SLC26A7: variants seen among roughly 807,000 people sequenced by gnomAD.
SLC26A7 encodes the protein solute carrier family 26 member 7.
SLC26A7 carries 59 observed loss-of-function variants against 82.5 expected under a neutral mutation model. That is an observed-to-expected ratio of 0.72 (90% CI 0.58 to 0.89). SLC26A7 has a LOEUF of 0.89. SLC26A7 is among the 40% of genes least tolerant of loss of function. The pLI, the probability that SLC26A7 is intolerant of heterozygous loss-of-function variation, is 0.00. For synonymous variants in SLC26A7, 271 were observed against 274.3 expected, an observed-to-expected ratio of 0.99 and a Z score of 0.12; for missense variants, 820 against 793.0, an observed-to-expected ratio of 1.03 and a Z score of -0.41.
rs865885609 is a variant in SLC26A7, at chr8:91,217,574, C to G, written c.-149-1316C>G. ...ACTAATCACCATTGTCAGAGGGAAG[C>G]AATTGAGTCATTGCCTGGGCCGCAG... On this transcript the variant is annotated intron_variant, in intron 1 of 5. Coordinates refer to the SLC26A7 transcript ENST00000522862. Among the ~76,000 whole-genome samples, 7 of 152,150 alleles carry G rather than the reference C, an allele frequency of 4.6e-5. No homozygotes were observed. The South Asian group carries it at 1.5e-3, about 32-fold the overall frequency.
At chr8:91,332,158 T>TATAC (rs1554610037) in intron 5 of SLC26A7, among the ~76,000 whole-genome samples, 3 of 146,788 alleles carry the variant, frequency 2.0e-5, no homozygotes, top group African/African-American at 7.4e-5. Flanking sequence ...TATATATATA[T>TATAC]ACACACACAT....
chr8:91,217,440 C>A (rs1810071647), intron 1 of SLC26A7, among the ~76,000 whole-genome samples: 1 of 152,140 alleles, frequency 6.6e-6, no homozygotes, highest in Admixed American at 6.5e-5. Flanking sequence ...TAAATTGTGT[C>A]TTTTGGGAGT....
At chr8:91,391,628 A>G (rs893530430) in intron 16 of SLC26A7, among the ~76,000 whole-genome samples, 1 of 152,038 alleles carries the variant, frequency 6.6e-6, no homozygotes, top group Non-Finnish European at 1.5e-5. Context: ...TATTTACTCT[A>G]TGTTCCTAAA....
chr8:91,220,880 G>T (rs1810150183), intron 2 of SLC26A7, among the ~76,000 whole-genome samples: 1 of 152,164 alleles, frequency 6.6e-6, no homozygotes, highest in African/African-American at 2.4e-5. Context: ...TAATGGGATT[G>T]CTGGGTCAAA....
intron 15 of SLC26A7, among the ~76,000 whole-genome samples, chr8:91,379,359 C>T (rs1203068531): frequency 5.9e-5 from 9 of 151,956 alleles, no homozygotes; most frequent in Admixed American, 5.2e-4. Context: ...CAAGAATAGT[C>T]AAGACACTTG....
At chr8:91,306,183 GCTTT>G (rs1812301452) in intron 4 of SLC26A7, among the ~76,000 whole-genome samples, 1 of 152,082 alleles carries the variant, frequency 6.6e-6, no homozygotes, top group South Asian at 2.1e-4. Context: ...CTTTTTGAAT[GCTTT>G]CTAATGGTTT....
At chr8:91,319,081 T>C (rs1331054840) in intron 5 of SLC26A7, among the ~76,000 whole-genome samples, 1 of 152,232 alleles carries the variant, frequency 6.6e-6, no homozygotes, top group East Asian at 1.9e-4. Context: ...ATGAGAGTAT[T>C]GCCATTCTTA....
intron 5 of SLC26A7, among the ~76,000 whole-genome samples, chr8:91,331,495 A>G (rs1415669994): frequency 6.6e-6 from 1 of 152,164 alleles, no homozygotes; most frequent in Non-Finnish European, 1.5e-5. Context: ...GTCTTTTCAC[A>G]CGAGCTTAAT....
At chr8:91,350,547 G>T (rs548230740) in intron 9 of SLC26A7, among the ~76,000 whole-genome samples, 54 of 151,902 alleles carry the variant, frequency 3.6e-4, no homozygotes, top group African/African-American at 1.1e-3. Context: ...TCCACCTCCA[G>T]CCTCTAGCAT....
chr8:91,311,321 A>C (rs1284272960), intron 4 of SLC26A7, among the ~76,000 whole-genome samples: 1 of 152,192 alleles, frequency 6.6e-6, no homozygotes, highest in Non-Finnish European at 1.5e-5. Context: ...GAACTTATAA[A>C]GTCTATAGAG....
chr8:91,314,166 A>G (rs898002905), intron 4 of SLC26A7, among the ~76,000 whole-genome samples: 1 of 152,178 alleles, frequency 6.6e-6, no homozygotes, highest in Non-Finnish European at 1.5e-5. Context: ...TTGGCTAGCT[A>G]GATTAGAAAT....
intron 4 of SLC26A7, among the ~76,000 whole-genome samples, chr8:91,311,643 G>T (rs746302604): frequency 2.0e-5 from 3 of 152,056 alleles, no homozygotes; most frequent in Non-Finnish European, 2.9e-5. Context: ...AGTTTATTTT[G>T]CCAAGGTTAA....
At chr8:91,230,809 G>A (rs543582404) in intron 2 of SLC26A7, among the ~76,000 whole-genome samples, 5 of 152,278 alleles carry the variant, frequency 3.3e-5, no homozygotes, top group Admixed American at 2.0e-4. Context: ...AAAAGTGATG[G>A]CAACAACACG....
Position 91,280,258 on chromosome 8 carries a change from A to G in SLC26A7, c.194-8878A>G, listed in dbSNP as rs1811533392. Among the ~76,000 whole-genome samples, 3 of 152,170 alleles carry G rather than the reference A, an allele frequency of 2.0e-5. No individual in the cohort carries two copies. The South Asian group carries it at 6.2e-4, about 32-fold the overall frequency. ...TCACCTTTTATGTGGAAGGTAACTA[A>G]TTCTATGTGCAATTTTATCTTTCCT... is the stretch of plus-strand genomic sequence containing the variant. On this transcript the variant is annotated intron_variant, in intron 2 of 18. Transcript: ENST00000276609.
intron 15 of SLC26A7, among the ~76,000 whole-genome samples, chr8:91,380,298 C>T (rs1814633454): frequency 6.6e-6 from 1 of 151,974 alleles, no homozygotes; most frequent in African/African-American, 2.4e-5. Context: ...TTTATTTATG[C>T]ATTATAAGGT....
chr8:91,275,104 A>T (rs1811372779), intron 2 of SLC26A7, among the ~76,000 whole-genome samples: 1 of 152,198 alleles, frequency 6.6e-6, no homozygotes, highest in African/African-American at 2.4e-5. Context: ...TAAAAAACAG[A>T]AACAGAAAAA....
At chr8:91,366,177 T>G (rs1267281408) in intron 13 of SLC26A7, among the ~76,000 whole-genome samples, 2 of 152,202 alleles carry the variant, frequency 1.3e-5, no homozygotes, top group Non-Finnish European at 2.9e-5. Context: ...TGACTCATGG[T>G]TGACCCTTTA....
intron 15 of SLC26A7, among the ~76,000 whole-genome samples, chr8:91,371,350 A>G (rs1270205945): frequency 1.3e-5 from 2 of 151,834 alleles, no homozygotes; most frequent in Non-Finnish European, 3.0e-5. Context: ...TATATTGAAA[A>G]TAGTACCCAA....
At chr8:91,311,242 A>T (rs1812473872) in intron 4 of SLC26A7, among the ~76,000 whole-genome samples, 2 of 152,174 alleles carry the variant, frequency 1.3e-5, no homozygotes, top group Admixed American at 1.3e-4. Flanking sequence ...AGGTTGTTGC[A>T]TCCATTTAGC....
Sources: gnomAD v4.1 joint callset for allele counts (sites outside exome capture counted in the v4.1 genomes callset) on GRCh38, gnomAD v4.1.1 for gene constraint, MANE v1.5 for transcripts, NCBI Gene and HGNC (gene_info 2026-07-23, HGNC 2026-07-21) for gene names.